HCN4: variants seen among roughly 807,000 people sequenced by gnomAD.
HCN4 encodes the protein hyperpolarization activated cyclic nucleotide gated potassium channel 4.
Under a neutral mutation model 76.9 loss-of-function variants are expected in HCN4, and 29 were observed. The ratio of observed to expected loss-of-function variants is 0.38; its 90% CI spans 0.28 to 0.51. The LOEUF is 0.51. Ranked by LOEUF, HCN4 falls within the 20% of genes least tolerant of loss-of-function variation. The pLI is 0.90. For missense variants in HCN4, 1,416 were observed against 1,715.2 expected, an observed-to-expected ratio of 0.83 and a Z score of 3.08; for synonymous variants, 772 against 762.5, an observed-to-expected ratio of 1.01 and a Z score of -0.21.
chr15:73,322,170 T>TC lies in HCN4; in HGVS notation c.*310dup. ...TCTAAGAACCGCCAACACTGGCCAC[T>TC]CCCACCCCTGCCCAGCCCCGGAGAC... is the stretch of plus-strand genomic sequence containing the variant. On this transcript the variant is annotated 3_prime_UTR_variant, in exon 8 of 8. Coordinates refer to ENST00000261917, the MANE Select transcript of HCN4 (RefSeq NM_005477.3). The TC allele has an allele frequency of 2.6e-6, 1 of 381,824 alleles. No individual in the cohort carries two copies. Among genetic ancestry groups the TC allele is most frequent in the Non-Finnish European group, 5.0e-6 (1 of 200,620 alleles). The allele number at this position is 381,824 out of a possible 1,614,324, so 23.7% of individuals were successfully genotyped here.
chr15:73,367,963 A>G lies in HCN4; in HGVS notation c.308T>C (p.Leu103Pro). ...CRRFRGSLASLGSRGGGSGGT... is the reference protein window; with the variant it reads ...CRRFRGSLASPGSRGGGSGGT... Reference sequence around the variant, plus strand: ...GCCGCTGCCGCCGCCCCGGCTGCCCAGCGAGGCCAGGCTCCCGCGGAAGCG... The same window carrying G: ...GCCGCTGCCGCCGCCCCGGCTGCCCGGCGAGGCCAGGCTCCCGCGGAAGCG... The change falls in exon 1 of 8, where the codon CTG becomes CCG. Residue 103 changes from leucine (L) to proline (P), a missense_variant. Physicochemically the swap from Leu to Pro is moderately conservative, Grantham distance 98. Transcript: ENST00000261917. The surrounding 1 kb of genome is among the most constrained non-coding windows in gnomAD (Gnocchi z 7.5). 7.4e-7 allele frequency: 1 copy of G among 1,349,132 alleles called. No homozygotes were observed. Among genetic ancestry groups the G allele is most frequent in the Non-Finnish European group, 9.5e-7 (1 of 1,056,142 alleles). 83.6% of individuals were successfully genotyped at this position (1,349,132 alleles called of 1,614,324 possible). A position where few individuals can be genotyped will look rare whatever the true frequency, so the allele number is the denominator to read the frequency against.
chr15:73,360,262 C>G (rs138613052), intron 1 of HCN4, among the ~76,000 whole-genome samples: 28 of 152,316 alleles, frequency 1.8e-4, no homozygotes, highest in Non-Finnish European at 2.4e-4. Context: ...TGGGGGTGGA[C>G]TTAAGCTTGA....
At position 73,368,677 on chromosome 15, in the gene HCN4, G is replaced by A. The variant is rs183675842; in HGVS notation, c.-407C>T. The stretch of plus-strand genomic sequence containing the variant: ...CCGGAGTGCAGAGCGCACGGCCCGC[G>A]CGGGTCCCGGGCGTGCGTCCCGCGG... On this transcript the variant is annotated 5_prime_UTR_variant, in exon 1 of 8. Coordinates refer to ENST00000261917, the MANE Select transcript of HCN4 (RefSeq NM_005477.3). The surrounding 1 kb of genome is among the most constrained non-coding windows in gnomAD (Gnocchi z 6.9). 1.5e-3 allele frequency: 228 copies of A among 153,068 alleles called. 1 individual carries two copies. The highest frequency in any genetic ancestry group is 5.1e-3 in the African/African-American group (214 of 41,560). The allele number at this position is 153,068 out of a possible 1,614,324, so 9.5% of individuals were successfully genotyped here.
chr15:73,368,110 G>T lies in HCN4; in HGVS notation c.161C>A (p.Pro54His). 10 of 1,505,232 alleles carry T rather than the reference G, an allele frequency of 6.6e-6. No homozygotes were observed. The highest frequency in any genetic ancestry group is 8.8e-6 in the Non-Finnish European group (10 of 1,130,762). The allele number at this position is 1,505,232 out of a possible 1,614,324, so 93.2% of individuals were successfully genotyped here. ...SRRSIRLRPL[P>H]SPSPSAAAGG... ...CGCGGCCGCCGAGGGGGAGGGCGAG[G>T]GCAGTGGCCGCAGCCGGATGCTCCT... is the stretch of plus-strand genomic sequence containing the variant. The change falls in exon 1 of 8, where the codon CCC (proline) becomes CAC (histidine). Residue 54 changes from proline (P) to histidine (H), a missense_variant. By Grantham distance (77) the Pro-to-His change is moderately conservative (BLOSUM62 -2). Around this residue, in one of 6 missense-constraint regions of HCN4, gnomAD observed 355 missense variants for 347.8 expected, o/e 1.02. Transcript: ENST00000261917. This position sits in a 1 kb window ranked among gnomAD's most constrained non-coding sequence, Gnocchi z 6.9.
Position 73,325,501 on chromosome 15 carries a change from GC to G in HCN4, c.1591-58del. On this transcript the variant is annotated intron_variant, in intron 4 of 7. Coordinates refer to ENST00000261917, the MANE Select transcript of HCN4 (RefSeq NM_005477.3). This position sits in a 1 kb window ranked among gnomAD's most constrained non-coding sequence, Gnocchi z 7.4. Reference sequence around the variant, plus strand: ...CCCCACCAGGGGGCGTCAGCAGCCAGCCCCACCACCTCGGCAGGCACCACAT... The same window carrying G: ...CCCCACCAGGGGGCGTCAGCAGCCAGCCCACCACCTCGGCAGGCACCACAT... The G allele has an allele frequency of 6.3e-7, 1 of 1,585,204 alleles. No individual in the cohort carries two copies. Among genetic ancestry groups the G allele is most frequent in the Non-Finnish European group, 8.7e-7 (1 of 1,153,814 alleles).
At chr15:73,326,518 C>G (rs1029827098) in intron 4 of HCN4, among the ~76,000 whole-genome samples, 2 of 152,142 alleles carry the variant, frequency 1.3e-5, no homozygotes, top group African/African-American at 4.8e-5. Context: ...AGTCCCTCCC[C>G]TGACCCCCAG....
intron 1 of HCN4, among the ~76,000 whole-genome samples, chr15:73,364,901 CCAA>C (rs1159193881): frequency 3.3e-5 from 5 of 152,252 alleles, no homozygotes; most frequent in African/African-American, 1.2e-4. Context: ...GCCCTGAACT[CCAA>C]ACCGCAAACT....
In HCN4 at chr15:73,329,593, G is replaced by T. The variant is rs756855616; in HGVS notation, c.1570C>A (p.Arg524=). ...CCTACCTTTTCCTGGTACTGGCGCC[G>T]GGAGGAGTCCAGGGACTGGATGAGG... ...TALIQSLDSS[R]RQYQEKYKQV... is the part of the protein sequence containing the mutation. Residue 524 remains arginine (R), a synonymous_variant, in exon 4 of 8, where the codon CGG becomes AGG. Coordinates refer to ENST00000261917, the MANE Select transcript of HCN4 (RefSeq NM_005477.3). 8 of 1,613,982 alleles carry T rather than the reference G, an allele frequency of 5.0e-6. No homozygotes were observed. Among genetic ancestry groups the T allele is most frequent in the Admixed American group, 3.3e-5 (2 of 60,004 alleles).
rs777979089 is a variant in HCN4 at position 73,329,803 on chromosome 15, C to T, written c.1372-12G>A. 37 of 1,608,160 alleles carry T rather than the reference C, an allele frequency of 2.3e-5. No individual in the cohort carries two copies. Among genetic ancestry groups the T allele is most frequent in the South Asian group, 6.6e-5 (6 of 91,010 alleles). On this transcript the variant is annotated splice_polypyrimidine_tract_variant and intron_variant, in intron 3 of 7. Coordinates refer to ENST00000261917, the MANE Select transcript of HCN4 (RefSeq NM_005477.3). ...CCCCAGGAGTTGTTCTGTGGACAGA[C>T]GGATGGGTGGGGACAGTGGATGAGA...
chr15:73,348,750 T>C (rs146252480), intron 1 of HCN4, among the ~76,000 whole-genome samples: 256 of 152,308 alleles, frequency 1.7e-3, no homozygotes, highest in African/African-American at 6.0e-3. Context: ...CTGTAGCCCG[T>C]GGGTCTCCAC....
intron 1 of HCN4, among the ~76,000 whole-genome samples, chr15:73,356,595 G>C (rs896955348): frequency 2.0e-5 from 3 of 151,814 alleles, no homozygotes; most frequent in East Asian, 3.9e-4. Context: ...CCTATAAAGA[G>C]TAGCTAAATA....
chr15:73,341,051 TTGG>T (rs1329024140), intron 2 of HCN4: 1 of 146,062 alleles, frequency 6.8e-6, no homozygotes, highest in East Asian at 2.1e-4. Flanking sequence ...CTAAGACAAC[TTGG>T]TGGGGAGGGA....
Position 73,367,431 on chromosome 15 carries a change from A to C in HCN4, c.785+55T>G. On this transcript the variant is annotated intron_variant, in intron 1 of 7. Coordinates refer to ENST00000261917, the MANE Select transcript of HCN4 (RefSeq NM_005477.3). The surrounding 1 kb of genome is among the most constrained non-coding windows in gnomAD (Gnocchi z 7.5). Reference sequence around the variant, plus strand: ...CCGGCTGGGAGGCAGGGTCAGGAGGAGGCATGCCTGCCACCGCGCAGGGCA... The same window carrying C: ...CCGGCTGGGAGGCAGGGTCAGGAGGCGGCATGCCTGCCACCGCGCAGGGCA... 1 of 1,610,080 alleles carries C rather than the reference A, an allele frequency of 6.2e-7. No homozygotes were observed. The highest frequency in any genetic ancestry group is 1.1e-5 in the South Asian group (1 of 90,830).
chr15:73,324,469 TGAATGTGTTCCCCC>T (rs1476721923), intron 6 of HCN4, among the ~76,000 whole-genome samples: 1 of 152,264 alleles, frequency 6.6e-6, no homozygotes, highest in Non-Finnish European at 1.5e-5. Context: ...TGCTCTGGAC[TGAATGTGTTCCCCC>T]AAAATTTATA....
chr15:73,345,599 G>A (rs1057491572), intron 1 of HCN4, among the ~76,000 whole-genome samples: 2 of 152,254 alleles, frequency 1.3e-5, no homozygotes, highest in East Asian at 1.9e-4. Flanking sequence ...CCCTAGAGCC[G>A]TGCATGCTCT....
intron 1 of HCN4, among the ~76,000 whole-genome samples, chr15:73,357,081 G>C (rs1002816263): frequency 1.3e-5 from 2 of 152,146 alleles, no homozygotes; most frequent in Admixed American, 6.5e-5. Context: ...GCCTCACCCA[G>C]GGAGCCCAAA....
At position 73,343,591 on chromosome 15, in the gene HCN4, T is replaced by C. The variant is rs2043017354; in HGVS notation, c.1003A>G (p.Met335Val). 1 of 1,614,152 alleles carries C rather than the reference T, an allele frequency of 6.2e-7. No homozygotes were observed. The highest frequency in any genetic ancestry group is 8.5e-7 in the Non-Finnish European group (1 of 1,180,034). The change falls in exon 2 of 8, where the codon ATG becomes GTG. Residue 335 changes from methionine to valine, a missense_variant. Physicochemically the swap from Met to Val is conservative, Grantham distance 21. Transcript: ENST00000261917. This position sits in a 1 kb window ranked among gnomAD's most constrained non-coding sequence, Gnocchi z 5.7. ...ATGAACCAGCTTTTCAGGTACTTCATTTTAATCCGCTGCGGGTCCAGGATG... is the reference window on the plus strand; with the variant it reads ...ATGAACCAGCTTTTCAGGTACTTCACTTTAATCCGCTGCGGGTCCAGGATG... Reference protein sequence around the residue: ...EIILDPQRIKMKYLKSWFMVD... With the variant: ...EIILDPQRIKVKYLKSWFMVD...
intron 1 of HCN4, among the ~76,000 whole-genome samples, chr15:73,363,804 G>C (rs1037507129): frequency 2.6e-5 from 4 of 152,108 alleles, no homozygotes; most frequent in Non-Finnish European, 4.4e-5. Flanking sequence ...CACCTCGGCA[G>C]GGCGACCACA....
chr15:73,324,567 A>G (rs2151215215), intron 6 of HCN4, among the ~76,000 whole-genome samples: 1 of 152,296 alleles, frequency 6.6e-6, no homozygotes, highest in Non-Finnish European at 1.5e-5. Flanking sequence ...ACGAGGGTGG[A>G]GCCCTCGTGG....
Sources: gnomAD v4.1 joint callset for allele counts (sites outside exome capture counted in the v4.1 genomes callset) on GRCh38, gnomAD v4.1.1 for gene constraint, gnomAD v4.1.1 regional missense constraint, Gnocchi (gnomAD v3.1) non-coding constraint, MANE v1.5 for transcripts, NCBI Gene and HGNC (gene_info 2026-07-23, HGNC 2026-07-21) for gene names.